USP34: variants seen among roughly 807,000 people sequenced by gnomAD.
USP34 encodes the protein ubiquitin specific peptidase 34.
Under a neutral mutation model 460.3 loss-of-function variants are expected in USP34, and 70 were observed. That is an observed-to-expected ratio of 0.15 (90% CI 0.13 to 0.19). The LOEUF (loss-of-function observed/expected upper bound fraction) is 0.19, where lower values mean the gene tolerates loss of function less well. Among genes scored for constraint, USP34 ranks in the 10% least tolerant of loss-of-function variants. The pLI, the probability that USP34 is intolerant of heterozygous loss-of-function variation, is 1.00. For synonymous variants in USP34, 1,647 were observed against 1,405.3 expected, an observed-to-expected ratio of 1.17 and a Z score of -3.85; for missense variants, 3,985 against 4,236.2, an observed-to-expected ratio of 0.94 and a Z score of 1.65.
At chr2:61,420,968 C>A in intron 1 of USP34, 135 bp from the exon 2 acceptor site, 1 of 592,904 alleles carries the variant, frequency 1.7e-6, no homozygotes, top group Non-Finnish European at 2.7e-6. Context: ...GAAAATAAGT[C>A]TACTTTTAAT....
chr2:61,303,783 A>C (rs1304331749), intron 27 of USP34, among the ~76,000 whole-genome samples: 5 of 151,946 alleles, frequency 3.3e-5, no homozygotes, highest in African/African-American at 1.2e-4. Context: ...TTTTTAGTAG[A>C]GATGGGGTTT....
intron 71 of USP34, 55 bp from the exon 72 acceptor site, chr2:61,206,179 A>G (rs1687113328): frequency 1.4e-6 from 2 of 1,436,414 alleles, no homozygotes; most frequent in Admixed American, 3.4e-5. Flanking sequence ...CTTCCTCACA[A>G]ATGTTTTCTA....
At chr2:61,341,256 C>T (rs1479153238) in intron 16 of USP34, among the ~76,000 whole-genome samples, 2 of 152,180 alleles carry the variant, frequency 1.3e-5, no homozygotes, top group Admixed American at 1.3e-4. Flanking sequence ...AATAAAGCAG[C>T]ACACATGAAC....
At chr2:61,410,992 A>T (rs965639968) in intron 2 of USP34, among the ~76,000 whole-genome samples, 1 of 150,486 alleles carries the variant, frequency 6.6e-6, no homozygotes, top group African/African-American at 2.4e-5. Flanking sequence ...TTCCCATCCT[A>T]AAAAAAACAA....
rs1241201042 is a variant in USP34, at chr2:61,350,805, T to C, written c.1252-112A>G. 7 of 1,100,354 alleles carry C rather than the reference T, an allele frequency of 6.4e-6. No individual in the cohort carries two copies. In the African/African-American group the frequency reaches 1.1e-4, roughly 18 times the overall value. The allele number at this position is 1,100,354 out of a possible 1,614,324, so 68.2% of individuals were successfully genotyped here. On this transcript the variant is annotated intron_variant, in intron 10 of 79. Transcript: ENST00000398571. ...AAGTTGGCCAGTACACTAATATTTT[T>C]TAATATGACGGTAAAATGCTAATTA...
intron 18 of USP34, among the ~76,000 whole-genome samples, chr2:61,336,324 C>G (rs1383049070): frequency 1.3e-5 from 2 of 151,802 alleles, no homozygotes; most frequent in East Asian, 3.9e-4. Context: ...ATGGGGTCTT[C>G]CTATGTTTCC....
At chr2:61,414,363 C>A (rs903902958) in intron 2 of USP34, among the ~76,000 whole-genome samples, 2 of 152,004 alleles carry the variant, frequency 1.3e-5, no homozygotes, top group African/African-American at 4.8e-5. Context: ...TACAACTGAT[C>A]AATACTTCTG....
At chr2:61,371,281 A>G (rs1183225300) in intron 8 of USP34, among the ~76,000 whole-genome samples, 2 of 152,316 alleles carry the variant, frequency 1.3e-5, no homozygotes, top group East Asian at 1.9e-4. Flanking sequence ...CAGTCATATA[A>G]AAGTATAGCA....
chr2:61,229,472 A>ACC lies in USP34; in HGVS notation c.7199+75_7199+76insGG. ...CCCTATCTCTTAAAAAAAAAAAAAA[A>ACC]AAACAAAAAAAAAAAACAAAAACAC... is the stretch of plus-strand genomic sequence containing the variant. On this transcript the variant is annotated intron_variant, in intron 59 of 79. Coordinates refer to ENST00000398571, the MANE Select transcript of USP34 (RefSeq NM_014709.4). 1.7e-5 allele frequency: 12 copies of ACC among 695,024 alleles called. No individual in the cohort carries two copies. The Admixed American group carries it at 4.5e-4, about 26-fold the overall frequency. 43.1% of individuals were successfully genotyped at this position (695,024 alleles called of 1,614,324 possible). A position where few individuals can be genotyped will look rare whatever the true frequency, so the allele number is the denominator to read the frequency against.
chr2:61,430,092 G>A (rs1694624446), intron 1 of USP34, among the ~76,000 whole-genome samples: 1 of 152,112 alleles, frequency 6.6e-6, no homozygotes, highest in Non-Finnish European at 1.5e-5. Flanking sequence ...GTGGGCACCT[G>A]TAGTCCCAGC....
intron 3 of USP34, among the ~76,000 whole-genome samples, chr2:61,395,811 A>T (rs1263150191): frequency 2.0e-5 from 3 of 148,896 alleles, no homozygotes; most frequent in Non-Finnish European, 3.0e-5. Context: ...AAAAAAAAAA[A>T]TCCCAGCACT....
At chr2:61,240,057 A>T (rs530124036) in intron 53 of USP34, among the ~76,000 whole-genome samples, 69 of 149,860 alleles carry the variant, frequency 4.6e-4, no homozygotes, top group African/African-American at 8.3e-4. Flanking sequence ...CAAAAAAAAA[A>T]TTTTTTTTTT....
intron 27 of USP34, among the ~76,000 whole-genome samples, chr2:61,304,175 C>A (rs1197028418): frequency 6.6e-6 from 1 of 152,158 alleles, no homozygotes; most frequent in Non-Finnish European, 1.5e-5. Context: ...GGATTACAGG[C>A]ATGAGCTACC....
intron 39 of USP34, among the ~76,000 whole-genome samples, chr2:61,279,009 A>G (rs1689456805): frequency 1.3e-5 from 2 of 152,194 alleles, no homozygotes. Context: ...GAGTCCCCTC[A>G]AAGAAACCCA....
At position 61,266,144 on chromosome 2, in the gene USP34, A is replaced by T. The variant is rs1490514012; in HGVS notation, c.5457T>A (p.Asn1819Lys). 6.2e-7 allele frequency: 1 copy of T among 1,611,206 alleles called. No homozygotes were observed. The highest frequency in any genetic ancestry group is 8.5e-7 in the Non-Finnish European group (1 of 1,177,766). ...TTAGACTTGGCAACAAAAACAGGAG[A>T]TTGAAGATATCTCTCAAAAATTCCT... ...EGQEFLRDIFNLLFLLPSLKD... is the reference protein window; with the variant it reads ...EGQEFLRDIFKLLFLLPSLKD... The change falls in exon 42 of 80, where the codon AAT (asparagine) becomes AAA (lysine). Residue 1819 changes from asparagine to lysine, a missense_variant. Physicochemically the swap from Asn to Lys is moderately conservative, Grantham distance 94. Around this residue, in one of 14 missense-constraint regions of USP34, gnomAD observed 1,114 missense variants for 1,122.5 expected, o/e 0.99. Transcript: ENST00000398571.
intron 41 of USP34, among the ~76,000 whole-genome samples, chr2:61,270,772 C>G (rs1689189725): frequency 6.6e-6 from 1 of 152,056 alleles, no homozygotes; most frequent in African/African-American, 2.4e-5. Context: ...CCTGAACAGA[C>G]TAAGACAATA....
At chr2:61,324,041 C>G (rs1162624236) in intron 21 of USP34, among the ~76,000 whole-genome samples, 1 of 152,126 alleles carries the variant, frequency 6.6e-6, no homozygotes, top group Non-Finnish European at 1.5e-5. Flanking sequence ...AGAGTCATGA[C>G]GACTCCTAGC....
intron 48 of USP34, among the ~76,000 whole-genome samples, chr2:61,254,603 T>C (rs977625376): frequency 6.6e-6 from 1 of 152,272 alleles, no homozygotes; most frequent in Non-Finnish European, 1.5e-5. Flanking sequence ...TGTCTTTCAA[T>C]ATAAAATTAA....
At chr2:61,411,149 C>T (rs1201829574) in intron 2 of USP34, among the ~76,000 whole-genome samples, 1 of 152,032 alleles carries the variant, frequency 6.6e-6, no homozygotes, top group African/African-American at 2.4e-5. Flanking sequence ...CTTTGGGGGG[C>T]AGAGGCAGGA....
Sources: gnomAD v4.1 joint callset for allele counts (sites outside exome capture counted in the v4.1 genomes callset) on GRCh38, gnomAD v4.1.1 for gene constraint, gnomAD v4.1.1 regional missense constraint, MANE v1.5 for transcripts, NCBI Gene and HGNC (gene_info 2026-07-23, HGNC 2026-07-21) for gene names.